The following TAF1 variants were observed in gnomAD, a reference collection of about 807,000 sequenced individuals.
TAF1 encodes the protein TATA-box binding protein associated factor 1.
Under a neutral mutation model 138.5 loss-of-function variants are expected in TAF1, and 2 were observed. That is an observed-to-expected ratio of 0.01 (90% CI 0.01 to 0.05). TAF1 has a LOEUF of 0.05. Ranked by LOEUF, TAF1 falls within the 10% of genes least tolerant of loss-of-function variation. TAF1 has a pLI of 1.00. For synonymous variants in TAF1, 437 were observed against 503.2 expected (o/e 0.87, Z 1.76); for missense variants, 709 against 1,478.0 (o/e 0.48, Z 8.53).
chrX:71,373,291 C>G (rs1372715639), intron 3 of TAF1, among the ~76,000 whole-genome samples: 5 of 109,585 alleles, frequency 4.6e-5, no homozygotes, highest in Non-Finnish European at 9.5e-5. Flanking sequence ...CCTCAGCCTC[C>G]TGAGTAGCTG....
chrX:71,453,025 C>T (rs1224064474), intron 32 of TAF1, among the ~76,000 whole-genome samples: 3 of 110,761 alleles, frequency 2.7e-5, no homozygotes, highest in East Asian at 2.9e-4. Flanking sequence ...AGTCCAGCTT[C>T]GGCTCGGCAT....
At chrX:71,431,726 C>T (rs185125897) in intron 32 of TAF1, among the ~76,000 whole-genome samples, 1 of 110,294 alleles carries the variant, frequency 9.1e-6, no homozygotes. Context: ...ACCATCCTGG[C>T]CAACATAGTG....
At chrX:71,499,686 A>G (rs1336930291) in intron 13 of TAF1, among the ~76,000 whole-genome samples, 1 of 111,310 alleles carries the variant, frequency 9.0e-6, no homozygotes, top group Non-Finnish European at 1.9e-5. Flanking sequence ...CCCAGTGGGG[A>G]TCCATACTGG....
chrX:71,443,858 G>A (rs915598185), intron 32 of TAF1, among the ~76,000 whole-genome samples: 2 of 111,278 alleles, frequency 1.8e-5, no homozygotes, highest in South Asian at 3.8e-4. Context: ...ATAGGCGTCC[G>A]CCCCAATGCC....
intron 13 of TAF1, among the ~76,000 whole-genome samples, chrX:71,480,954 A>ATT (rs2039059595): frequency 8.9e-6 from 1 of 112,077 alleles, no homozygotes; most frequent in Admixed American, 9.5e-5. Flanking sequence ...TGAGGTTGAT[A>ATT]GTAATGGAGA....
At chrX:71,367,813 GGCAC>G (rs2032672534) in intron 2 of TAF1, among the ~76,000 whole-genome samples, 200 bp downstream of exon 2, 1 of 111,630 alleles carries the variant, frequency 9.0e-6, no homozygotes, top group Admixed American at 9.6e-5. Flanking sequence ...TGGGACTACA[GGCAC>G]GCACCACCAC....
intron 2 of TAF1, 87 bp from the exon 3 acceptor site, chrX:71,367,967 A>C: frequency 2.0e-6 from 2 of 1,007,638 alleles, no homozygotes; most frequent in Non-Finnish European, 2.8e-6. Context: ...CACCGCATCC[A>C]GCCTGTACAT....
In TAF1 at chrX:71,456,649, C is replaced by CT. The variant is rs776321706; in HGVS notation, c.4939-1549dup. On this transcript the variant is annotated intron_variant, in intron 34 of 37. Transcript: ENST00000423759. ...ATGGTGGTGGTCAATAATGTATTTT[C>CT]TTTTTTTTTTTTTTTTTTTTTTTTT... is the stretch of plus-strand genomic sequence containing the variant. Among the ~76,000 whole-genome samples, 91 of 26,825 alleles carry CT rather than the reference C, an allele frequency of 3.4e-3. 14 individuals are homozygous for CT. The highest frequency in any genetic ancestry group is 4.1e-3 in the Non-Finnish European group (64 of 15,751). 23.3% of individuals were successfully genotyped at this position (26,825 alleles called of 115,157 possible).
chrX:71,383,092 A>G lies in TAF1; in HGVS notation c.1875A>G (p.Ser625=). The G allele has an allele frequency of 1.7e-6, 2 of 1,211,239 alleles. No homozygotes were observed. Among genetic ancestry groups the G allele is most frequent in the Non-Finnish European group, 2.2e-6 (2 of 895,439 alleles). ...QFHRPPLKKY[S]FGALSQPGPH... is the part of the protein sequence containing the mutation. ...ATCGCCCACCTCTGAAAAAGTACTC[A>G]TTTGGTGCACTTTCTCAGCCAGGTC... The change falls in exon 12 of 38, where the codon TCA becomes TCG. Residue 625 remains serine, a synonymous_variant. Coordinates refer to ENST00000423759, the MANE Select transcript of TAF1 (RefSeq NM_004606.5).
chrX:71,470,127 G>C (rs947848625), downstream of TAF1, among the ~76,000 whole-genome samples: 4 of 111,659 alleles, frequency 3.6e-5, no homozygotes, highest in Admixed American at 3.8e-4. Context: ...TAGACAAACA[G>C]GTTAACAGAG....
At chrX:71,524,785 A>G (rs1348484529) in intron 13 of TAF1, among the ~76,000 whole-genome samples, 1 of 109,214 alleles carries the variant, frequency 9.2e-6, no homozygotes, top group Non-Finnish European at 1.9e-5. Flanking sequence ...TACTAAAAAT[A>G]CAAAAATCAG....
At chrX:71,495,304 G>A (rs1471025104) in intron 13 of TAF1, among the ~76,000 whole-genome samples, 2 of 111,681 alleles carry the variant, frequency 1.8e-5, no homozygotes, top group Non-Finnish European at 3.8e-5. Context: ...ACCATCTGTA[G>A]CTTGATGGCC....
rs748362504 is a variant in TAF1 at position 71,464,988 on chromosome X, G to C, written c.*942G>C. 1.8e-5 allele frequency: 2 copies of C among 108,809 alleles called. No individual in the cohort carries two copies. Among genetic ancestry groups the C allele is most frequent in the African/African-American group, 6.7e-5 (2 of 29,753 alleles). 9.0% of individuals were successfully genotyped at this position (108,809 alleles called of 1,213,427 possible). ...TTCTGTCCCCCCCACCCTCCCCAGG[G>C]GAAATGGTAGGAAAATGGTAAGTTT... On this transcript the variant is annotated 3_prime_UTR_variant, in exon 38 of 38. Coordinates refer to ENST00000423759, the MANE Select transcript of TAF1 (RefSeq NM_004606.5).
intron 4 of TAF1, 101 bp from the exon 5 acceptor site, chrX:71,376,849 C>T: frequency 1.8e-6 from 2 of 1,103,831 alleles, no homozygotes; most frequent in Middle Eastern, 3.2e-4. Context: ...CCTATATCTC[C>T]TGGCATTGAG....
At chrX:71,442,265 G>A (rs2037468459) in intron 32 of TAF1, among the ~76,000 whole-genome samples, 1 of 112,183 alleles carries the variant, frequency 8.9e-6, no homozygotes. Flanking sequence ...TGATTGAACT[G>A]GTTTACATTC....
intron 32 of TAF1, among the ~76,000 whole-genome samples, chrX:71,434,765 A>G (rs768836382): frequency 8.9e-6 from 1 of 112,399 alleles, no homozygotes; most frequent in East Asian, 2.8e-4. Context: ...TGAAAAGAAC[A>G]TTAATAATCA....
At chrX:71,452,308 G>T (rs1297307203) in intron 32 of TAF1, among the ~76,000 whole-genome samples, 4 of 110,626 alleles carry the variant, frequency 3.6e-5, no homozygotes, top group Non-Finnish European at 7.6e-5. Flanking sequence ...CTCAGACGGG[G>T]CGGTTGCCGG....
Position 71,464,412 on chromosome X carries a change from A to C in TAF1, c.*366A>C. ...TAACTTTATGTCCTCTTGATGTATT[A>C]GGAAATTTCCGGCCAGGCGTGGTGG... is the stretch of plus-strand genomic sequence containing the variant. On this transcript the variant is annotated 3_prime_UTR_variant, in exon 38 of 38. Transcript: ENST00000423759. 2.9e-6 allele frequency: 1 copy of C among 340,873 alleles called. No homozygotes were observed. The highest frequency in any genetic ancestry group is 5.0e-6 in the Non-Finnish European group (1 of 198,456). The allele number at this position is 340,873 out of a possible 1,213,427, so 28.1% of individuals were successfully genotyped here. A position where few individuals can be genotyped will look rare whatever the true frequency, so the allele number is the denominator to read the frequency against.
At chrX:71,391,737 G>A (rs1488055573) in intron 18 of TAF1, among the ~76,000 whole-genome samples, 1 of 105,658 alleles carries the variant, frequency 9.5e-6, no homozygotes, top group Non-Finnish European at 1.9e-5. Flanking sequence ...AGCCATTCTC[G>A]TGCCTCAGCC....
Sources: allele counts gnomAD v4.1 joint callset (sites outside exome capture counted in the v4.1 genomes callset), GRCh38; gene constraint gnomAD v4.1.1; transcripts MANE v1.5; gene names NCBI Gene and HGNC (gene_info 2026-07-23, HGNC 2026-07-21).